Variants in PDE1C observed in about 807,000 individuals in gnomAD.
PDE1C encodes the protein dual specificity calcium/calmodulin-dependent 3',5'-cyclic nucleotide phosphodiesterase 1C.
Under a neutral mutation model 93.1 loss-of-function variants are expected in PDE1C, and 62 were observed. The ratio of observed to expected loss-of-function variants is 0.67; its 90% confidence interval spans 0.54 to 0.82. The LOEUF (loss-of-function observed/expected upper bound fraction) is 0.82. Among genes scored for constraint, PDE1C ranks in the 40% least tolerant of loss-of-function variants. The pLI is 0.00. For synonymous variants in PDE1C, 325 were observed against 310.1 expected (o/e 1.05, Z -0.50); for missense variants, 742 against 884.6 (o/e 0.84, Z 2.04).
chr7:31,988,451 C>T (rs187913336), intron 2 of PDE1C, among the ~76,000 whole-genome samples: 59 of 152,340 alleles, frequency 3.9e-4, no homozygotes, highest in Admixed American at 3.9e-3. Flanking sequence ...TCTATTCCAC[C>T]TTTACCTGTT....
intron 3 of PDE1C, among the ~76,000 whole-genome samples, chr7:32,153,034 G>A (rs1273131911): frequency 6.6e-6 from 1 of 152,116 alleles, no homozygotes; most frequent in African/African-American, 2.4e-5. Flanking sequence ...AGAAAGGAGG[G>A]ACTAAGAAAC....
intron 1 of PDE1C, among the ~76,000 whole-genome samples, chr7:32,405,732 C>G (rs568215144): frequency 6.0e-4 from 91 of 152,166 alleles, no homozygotes; most frequent in Admixed American, 1.4e-3. Flanking sequence ...TCCCCTCACC[C>G]CTGCCTACTA....
chr7:31,749,066 A>T (rs959183192), downstream of PDE1C, among the ~76,000 whole-genome samples: 2 of 152,130 alleles, frequency 1.3e-5, no homozygotes, highest in African/African-American at 4.8e-5. Flanking sequence ...CTGCAGGGAC[A>T]AGAAATCCTA....
chr7:32,155,275 T>A (rs995170225), intron 3 of PDE1C, among the ~76,000 whole-genome samples: 1 of 152,246 alleles, frequency 6.6e-6, no homozygotes, highest in African/African-American at 2.4e-5. Context: ...AATATGTTCA[T>A]GTCTTTTTAC....
intron 1 of PDE1C, among the ~76,000 whole-genome samples, chr7:32,392,467 T>C (rs940762199): frequency 6.6e-6 from 1 of 152,180 alleles, no homozygotes; most frequent in African/African-American, 2.4e-5. Context: ...TATCCTGATA[T>C]CAAAGCCAAA....
At chr7:32,255,521 A>C (rs1211166866) in intron 1 of PDE1C, among the ~76,000 whole-genome samples, 5 of 152,224 alleles carry the variant, frequency 3.3e-5, no homozygotes. Context: ...ACAGACCCCA[A>C]TTCTGTCCCT....
intron 3 of PDE1C, among the ~76,000 whole-genome samples, chr7:32,130,108 T>C (rs578019667): frequency 6.6e-6 from 1 of 152,250 alleles, no homozygotes; most frequent in East Asian, 1.9e-4. Context: ...ATTTCCCTTT[T>C]TGGTTGTTGT....
chr7:31,856,193 G>C (rs913238998), intron 7 of PDE1C, among the ~76,000 whole-genome samples: 1 of 152,092 alleles, frequency 6.6e-6, no homozygotes, highest in Non-Finnish European at 1.5e-5. Flanking sequence ...GATTTAAAGC[G>C]TTTTCTCCCT....
intron 1 of PDE1C, among the ~76,000 whole-genome samples, chr7:32,336,659 G>T (rs1030299437): frequency 6.6e-6 from 1 of 152,168 alleles, no homozygotes; most frequent in Non-Finnish European, 1.5e-5. Flanking sequence ...ATCAAAGATT[G>T]AGCCTAAAAG....
chr7:31,714,942 A>T, the PDE1C span, among the ~76,000 whole-genome samples: 1 of 152,132 alleles, frequency 6.6e-6, no homozygotes, highest in Non-Finnish European at 1.5e-5. Flanking sequence ...GAGCTTCACT[A>T]TAAGAGGTAT....
intron 17 of PDE1C, among the ~76,000 whole-genome samples, chr7:31,772,679 T>C (rs923227653): frequency 2.0e-5 from 3 of 152,210 alleles, no homozygotes; most frequent in African/African-American, 4.8e-5. Flanking sequence ...ACAGCAAATG[T>C]TTTCATCTCC....
At chr7:32,341,676 G>A (rs1783760852) in intron 1 of PDE1C, among the ~76,000 whole-genome samples, 1 of 152,096 alleles carries the variant, frequency 6.6e-6, no homozygotes. Flanking sequence ...CAGGGCTGAA[G>A]GGGGTCCATG....
At chr7:32,104,255 G>A (rs1433184554) in intron 3 of PDE1C, among the ~76,000 whole-genome samples, 1 of 152,170 alleles carries the variant, frequency 6.6e-6, no homozygotes, top group African/African-American at 2.4e-5. Context: ...CAGAACTAGA[G>A]AGAATATACT....
At chr7:31,929,968 C>T (rs540835099) in intron 2 of PDE1C, among the ~76,000 whole-genome samples, 16 of 152,060 alleles carry the variant, frequency 1.1e-4, no homozygotes, top group Non-Finnish European at 1.9e-4. Flanking sequence ...TTCCAAAAAT[C>T]AAGGAATCCA....
intron 1 of PDE1C, among the ~76,000 whole-genome samples, chr7:32,384,508 T>C (rs1784590564): frequency 1.3e-5 from 2 of 152,146 alleles, no homozygotes; most frequent in South Asian, 4.1e-4. Flanking sequence ...AGAAAGAATA[T>C]GCCAGGCAGA....
chr7:32,148,402 T>A (rs1042539745), intron 3 of PDE1C, among the ~76,000 whole-genome samples: 1 of 152,192 alleles, frequency 6.6e-6, no homozygotes, highest in Non-Finnish European at 1.5e-5. Flanking sequence ...CAGTGTGTAA[T>A]TTACACTTAC....
At chr7:31,803,402 A>C (rs567103738) in intron 16 of PDE1C, among the ~76,000 whole-genome samples, 2,545 of 149,394 alleles carry the variant, frequency 0.017, 41 homozygotes, top group African/African-American at 0.04. Flanking sequence ...TTTTCTTTTT[A>C]TTATTATTAT....
chr7:31,841,227 C>CTCTCTCTATATATATATATATATATATA (rs751320538), intron 9 of PDE1C, among the ~76,000 whole-genome samples: 1 of 142,262 alleles, frequency 7.0e-6, no homozygotes. Context: ...CTCTCTCTCT[C>CTCTCTCTATATATATATATATATATATA]TATATATATA....
At chr7:32,213,788 AAC>A (rs1806229117) in intron 1 of PDE1C, among the ~76,000 whole-genome samples, 1 of 152,326 alleles carries the variant, frequency 6.6e-6, no homozygotes, top group Admixed American at 6.5e-5. Flanking sequence ...CTGCTCACAA[AAC>A]ACAGATTCTA....
Sources: gnomAD v4.1 joint callset for allele counts (sites outside exome capture counted in the v4.1 genomes callset) on GRCh38, gnomAD v4.1.1 for gene constraint, MANE v1.5 for transcripts, NCBI Gene and HGNC (gene_info 2026-07-23, HGNC 2026-07-21) for gene names.